The following CNTN6 variants were observed in gnomAD, a reference collection of about 807,000 sequenced individuals.
CNTN6 encodes the protein contactin-6.
CNTN6 carries 137 observed loss-of-function variants against 122.8 expected under a neutral mutation model. That is an observed-to-expected ratio of 1.12 (90% CI 0.97 to 1.29). The LOEUF (loss-of-function observed/expected upper bound fraction) is 1.29, where lower values mean the gene tolerates loss of function less well. Among genes scored for constraint, CNTN6 ranks in the 50% most tolerant of loss-of-function variants. The pLI, the probability that CNTN6 is intolerant of heterozygous loss-of-function variation, is 0.00. For synonymous variants in CNTN6, 570 were observed against 426.0 expected (o/e 1.34, Z -4.16); for missense variants, 1,634 against 1,223.4 (o/e 1.34, Z -5.01).
intron 1 of CNTN6, among the ~76,000 whole-genome samples, chr3:1,104,337 T>G (rs1463087537): frequency 6.6e-6 from 1 of 152,158 alleles, no homozygotes; most frequent in Non-Finnish European, 1.5e-5. Flanking sequence ...AGAATAATAA[T>G]TATTCCTCTG....
chr3:1,098,351 A>C (rs959011906), intron 1 of CNTN6, among the ~76,000 whole-genome samples: 2 of 152,186 alleles, frequency 1.3e-5, no homozygotes, highest in African/African-American at 4.8e-5. Flanking sequence ...TCTTTCTTCA[A>C]AGAAAAACAT....
rs544766411 is a variant in CNTN6, at chr3:1,283,485, C to T, written c.454+4977C>T. 2.0e-4 allele frequency among the ~76,000 whole-genome samples: 31 copies of T among 152,136 alleles called. 1 individual carries two copies. Among genetic ancestry groups the T allele is most frequent in the Admixed American group, 1.3e-3 (20 of 15,282 alleles). On this transcript the variant is annotated intron_variant, in intron 5 of 22. Coordinates refer to ENST00000446702, the MANE Select transcript of CNTN6 (RefSeq NM_001289080.2). ...CCTTTAAATTTTGGAACAGATATAACGCCCTTGAAACCAAAACTGAAGAAG... is the reference window on the plus strand; with the variant it reads ...CCTTTAAATTTTGGAACAGATATAATGCCCTTGAAACCAAAACTGAAGAAG...
At chr3:1,137,682 C>G (rs947303023) in intron 1 of CNTN6, among the ~76,000 whole-genome samples, 1 of 152,176 alleles carries the variant, frequency 6.6e-6, no homozygotes, top group Admixed American at 6.5e-5. Flanking sequence ...TTATGAACCT[C>G]ATGAGGTAGA....
intron 20 of CNTN6, among the ~76,000 whole-genome samples, chr3:1,392,082 G>C (rs1694236562): frequency 6.6e-6 from 1 of 152,138 alleles, no homozygotes; most frequent in Admixed American, 6.5e-5. Context: ...AACCAAAAAA[G>C]AGCCCGCATC....
intron 20 of CNTN6, 61 bp from the exon 21 acceptor site, chr3:1,401,372 C>A: frequency 1.6e-6 from 2 of 1,288,396 alleles, no homozygotes; most frequent in Non-Finnish European, 2.2e-6. Context: ...CATGTTGATG[C>A]ATCATACTTT....
chr3:1,238,398 T>C (rs2094446222), intron 4 of CNTN6, among the ~76,000 whole-genome samples: 1 of 152,222 alleles, frequency 6.6e-6, no homozygotes, highest in South Asian at 2.1e-4. Context: ...ATCACAGTTC[T>C]AAATATATAT....
chr3:1,342,273 G>A (rs898884315), intron 11 of CNTN6, among the ~76,000 whole-genome samples: 1 of 152,036 alleles, frequency 6.6e-6, no homozygotes, highest in Non-Finnish European at 1.5e-5. Context: ...GGGATTACAG[G>A]CGAGCGCCAC....
chr3:1,106,072 G>A (rs543420882), intron 1 of CNTN6, among the ~76,000 whole-genome samples: 1 of 152,230 alleles, frequency 6.6e-6, no homozygotes, highest in Non-Finnish European at 1.5e-5. Context: ...CTGTGTTTTG[G>A]AGGTAATCTA....
chr3:1,379,647 TTAAAC>T (rs1421641806), intron 17 of CNTN6, among the ~76,000 whole-genome samples: 2 of 151,900 alleles, frequency 1.3e-5, no homozygotes, highest in African/African-American at 4.8e-5. Context: ...TTTTTAAAAA[TTAAAC>T]TAAATTAAAG....
intron 20 of CNTN6, among the ~76,000 whole-genome samples, chr3:1,388,429 G>A (rs1693516954): frequency 6.6e-6 from 1 of 151,234 alleles, no homozygotes; most frequent in African/African-American, 2.4e-5. Flanking sequence ...CATCATCAAA[G>A]ACCAAAAGTA....
intron 1 of CNTN6, among the ~76,000 whole-genome samples, chr3:1,095,960 G>C (rs993194225): frequency 1.4e-4 from 21 of 151,996 alleles, no homozygotes; most frequent in Admixed American, 1.1e-3. Context: ...TATTTTTTGG[G>C]TTGTTAGATT....
intron 4 of CNTN6, among the ~76,000 whole-genome samples, chr3:1,245,276 C>CATATA (rs1559596978): frequency 1.3e-3 from 9 of 7,086 alleles, no homozygotes; most frequent in Non-Finnish European, 2.5e-3. Context: ...TATATATATA[C>CATATA]ACACACATAT....
intron 4 of CNTN6, among the ~76,000 whole-genome samples, chr3:1,268,389 C>T (rs998720247): frequency 7.2e-5 from 11 of 152,042 alleles, no homozygotes; most frequent in Admixed American, 5.2e-4. Context: ...GGGCGGATCA[C>T]GAGGTCAGGA....
intron 20 of CNTN6, among the ~76,000 whole-genome samples, chr3:1,394,797 C>G (rs112460112): frequency 5.3e-4 from 80 of 152,148 alleles, no homozygotes; most frequent in Non-Finnish European, 8.5e-4. Context: ...ACATCAAATG[C>G]TAAAGATTAT....
intron 2 of CNTN6, among the ~76,000 whole-genome samples, chr3:1,153,174 G>C (rs2092885892): frequency 6.6e-6 from 1 of 152,104 alleles, no homozygotes; most frequent in Non-Finnish European, 1.5e-5. Flanking sequence ...TAGTCCTGAA[G>C]AAGTACCAGT....
intron 6 of CNTN6, among the ~76,000 whole-genome samples, chr3:1,297,586 A>C (rs575869236): frequency 4.9e-4 from 74 of 150,634 alleles, no homozygotes; most frequent in African/African-American, 1.7e-3. Flanking sequence ...GACCTACTGC[A>C]GTGGACTTCT....
At chr3:1,260,105 A>G (rs9835517) in intron 4 of CNTN6, among the ~76,000 whole-genome samples, 45,485 of 152,044 alleles carry the variant, frequency 0.3, 8,654 homozygotes, top group African/African-American at 0.54. Flanking sequence ...TTTTAGAGAA[A>G]CAATTTAGTG....
At chr3:1,103,738 A>G (rs9809431) in intron 1 of CNTN6, among the ~76,000 whole-genome samples, 24,334 of 152,088 alleles carry the variant, frequency 0.16, 4,264 homozygotes, top group African/African-American at 0.44. Context: ...GGCTCCTTTT[A>G]CTTATGAGGC....
At chr3:1,268,135 C>G (rs1362306920) in intron 4 of CNTN6, among the ~76,000 whole-genome samples, 1 of 152,132 alleles carries the variant, frequency 6.6e-6, no homozygotes, top group Non-Finnish European at 1.5e-5. Flanking sequence ...GAACATTTGC[C>G]AAAAGGCAAA....
Sources: gnomAD v4.1 joint callset for allele counts (sites outside exome capture counted in the v4.1 genomes callset) on GRCh38, gnomAD v4.1.1 for gene constraint, MANE v1.5 for transcripts, NCBI Gene and HGNC (gene_info 2026-07-23, HGNC 2026-07-21) for gene names.